The following RXRG variants were observed in gnomAD, a reference collection of about 807,000 sequenced individuals.
RXRG encodes the protein retinoic acid receptor RXR-gamma.
RXRG carries 19 observed loss-of-function variants against 49.2 expected under a neutral mutation model. The observed-to-expected ratio is 0.39, with a 90% CI of 0.27 to 0.57. RXRG has a LOEUF of 0.57. Ranked by LOEUF, RXRG falls within the 20% of genes least tolerant of loss-of-function variation. The pLI is 0.64. For missense variants in RXRG, 452 were observed against 592.5 expected (o/e 0.76, Z 2.46); for synonymous variants, 224 against 216.6 (o/e 1.03, Z -0.30).
intron 7 of RXRG, among the ~76,000 whole-genome samples, chr1:165,409,079 G>T (rs1239841532): frequency 6.6e-6 from 1 of 152,146 alleles, no homozygotes; most frequent in Non-Finnish European, 1.5e-5. Flanking sequence ...TGCTCCTGCT[G>T]CAGGCCTCCT....
chr1:165,401,070 G>A lies in RXRG; in HGVS notation c.*193C>T, dbSNP rs1183247182. On this transcript the variant is annotated 3_prime_UTR_variant, in exon 10 of 10. Transcript: ENST00000359842. Reference sequence around the variant, plus strand: ...CTCCCAGCCCTGTAGACAGCAAAGCGTATTACCTTTAACATCTATACAAAA... The same window carrying A: ...CTCCCAGCCCTGTAGACAGCAAAGCATATTACCTTTAACATCTATACAAAA... 22 of 570,546 alleles carry A rather than the reference G, an allele frequency of 3.9e-5. No homozygotes were observed. In the Middle Eastern group the frequency reaches 1.4e-3, roughly 36 times the overall value. 35.3% of individuals were successfully genotyped at this position (570,546 alleles called of 1,614,324 possible).
At chr1:165,436,851 C>G in intron 1 of RXRG, 2 of 973,906 alleles carry the variant, frequency 2.1e-6, no homozygotes, top group African/African-American at 1.7e-5. Context: ...TGGGGGACAG[C>G]AAGAGTTTCA....
intron 8 of RXRG, 75 bp from the exon 9 acceptor site, chr1:165,406,992 C>CG: frequency 3.3e-6 from 3 of 898,178 alleles, no homozygotes; most frequent in Non-Finnish European, 5.0e-6. Context: ...TCTGGCCACT[C>CG]TCTGTAGAGT....
At chr1:165,414,880 A>G (rs750254638) in intron 4 of RXRG, among the ~76,000 whole-genome samples, 39 of 152,328 alleles carry the variant, frequency 2.6e-4, no homozygotes, top group Non-Finnish European at 4.7e-4. Context: ...CATTTTTAGG[A>G]GCTCCTGCAC....
At chr1:165,423,211 T>A (rs1658377771) in intron 2 of RXRG, among the ~76,000 whole-genome samples, 8 of 152,154 alleles carry the variant, frequency 5.3e-5, no homozygotes. Flanking sequence ...CATAAACCCA[T>A]TAGCTGCCTG....
At position 165,419,900 on chromosome 1, in the gene RXRG, T is replaced by A; in HGVS notation, c.412A>T (p.Ile138Phe). ...STSPGSLVKH[I>F]CAICGDRSSG... ...GATCTGTCTCCACAGATGGCACAGA[T>A]GTGTTTAACCAGAGATCCGGGGCTG... is the stretch of plus-strand genomic sequence containing the variant. The change falls in exon 3 of 10, where the codon ATC (isoleucine) becomes TTC (phenylalanine). Residue 138 changes from isoleucine (I) to phenylalanine (F), a missense_variant. By Grantham distance (21) the Ile-to-Phe change is conservative. Around this residue, in one of 2 missense-constraint regions of RXRG, gnomAD observed 286 missense variants for 440.9 expected, o/e 0.65. Coordinates refer to ENST00000359842, the MANE Select transcript of RXRG (RefSeq NM_006917.5). The A allele has an allele frequency of 6.2e-7, 1 of 1,613,054 alleles. No homozygotes were observed. Among genetic ancestry groups the A allele is most frequent in the Non-Finnish European group, 8.5e-7 (1 of 1,179,480 alleles).
chr1:165,444,517 G>C (rs1231540635), intron 1 of RXRG, among the ~76,000 whole-genome samples: 2 of 151,942 alleles, frequency 1.3e-5, no homozygotes, highest in Non-Finnish European at 2.9e-5. Flanking sequence ...TTTCACACCC[G>C]CACAAACACA....
chr1:165,413,784 T>C (rs115079560), intron 4 of RXRG, among the ~76,000 whole-genome samples: 22,543 of 152,186 alleles, frequency 0.15, 1,709 homozygotes, highest in South Asian at 0.23. Context: ...TGGGCTTGTG[T>C]GGGCTAGGCT....
chr1:165,421,697 CTT>C (rs1320233138), intron 2 of RXRG, among the ~76,000 whole-genome samples: 2 of 151,968 alleles, frequency 1.3e-5, no homozygotes, highest in Non-Finnish European at 2.9e-5. Context: ...ACTTAGCTAA[CTT>C]TTTTGTATTT....
chr1:165,439,922 G>A (rs926272945), intron 1 of RXRG, among the ~76,000 whole-genome samples: 4 of 152,166 alleles, frequency 2.6e-5, no homozygotes, highest in Admixed American at 6.6e-5. Context: ...CTAATCCCTG[G>A]TGTCTGAGTG....
At chr1:165,401,804 A>G (rs1337426398) in intron 9 of RXRG, among the ~76,000 whole-genome samples, 6 of 152,262 alleles carry the variant, frequency 3.9e-5, no homozygotes, top group Non-Finnish European at 5.9e-5. Flanking sequence ...CTTAGAGCCA[A>G]GCGTGAGACA....
In RXRG at chr1:165,428,761, T is replaced by TGCAAGTGCTCCTGAGGGTGGGCCCATG. The variant is rs1238727571; in HGVS notation, c.228_254dup (p.Met77_Ala85dup). 3 of 1,606,778 alleles carry TGCAAGTGCTCCTGAGGGTGGGCCCATG rather than the reference T, an allele frequency of 1.9e-6. No individual in the cohort carries two copies. The East Asian group carries it at 6.7e-5, about 36-fold the overall frequency. Reference sequence around the variant, plus strand: ...CAACCAAGTTGATTCCTGGAGGCGCTGCAAGTGCTCCTGAGGGTGGGCCCA... The same window carrying TGCAAGTGCTCCTGAGGGTGGGCCCATG: ...CAACCAAGTTGATTCCTGGAGGCGCTGCAAGTGCTCCTGAGGGTGGGCCCATGGCAAGTGCTCCTGAGGGTGGGCCCA... On this transcript the variant is annotated inframe_insertion, in exon 2 of 10. Coordinates refer to ENST00000359842, the MANE Select transcript of RXRG (RefSeq NM_006917.5).
At chr1:165,437,028 G>T (rs1018263400) in intron 1 of RXRG, 12 of 1,231,118 alleles carry the variant, frequency 9.7e-6, no homozygotes, top group Admixed American at 5.8e-5. Flanking sequence ...CTTCTAGGCT[G>T]GTTGCCTGGG....
intron 7 of RXRG, among the ~76,000 whole-genome samples, chr1:165,408,725 G>T (rs1251680672): frequency 3.9e-5 from 6 of 152,154 alleles, no homozygotes; most frequent in Non-Finnish European, 7.4e-5. Flanking sequence ...TGGTAGAAAG[G>T]TCCGGTTACC....
chr1:165,419,597 G>T (rs1048924740), intron 3 of RXRG, among the ~76,000 whole-genome samples: 4 of 152,118 alleles, frequency 2.6e-5, no homozygotes, highest in African/African-American at 9.7e-5. Context: ...AATCACAACA[G>T]CTTCTGTCTC....
In RXRG at chr1:165,401,410, C is replaced by T; in HGVS notation, c.1245G>A (p.Arg415=). The change falls in exon 10 of 10, where the codon AGG becomes AGA. Residue 415 remains arginine, a splice_region_variant and synonymous_variant. Coordinates refer to ENST00000359842, the MANE Select transcript of RXRG (RefSeq NM_006917.5). The stretch of plus-strand genomic sequence containing the variant: ...GGAGGCGCAGCAGCAGCTTGGCAAA[C>T]CTGCAGGGAAGCCAAGAGGCATCAG... ...TKQKYPEQPG[R]FAKLLLRLPA... 1 of 1,613,960 alleles carries T rather than the reference C, an allele frequency of 6.2e-7. No homozygotes were observed. Among genetic ancestry groups the T allele is most frequent in the Non-Finnish European group, 8.5e-7 (1 of 1,180,034 alleles).
chr1:165,430,129 G>C (rs1159683981), intron 1 of RXRG, among the ~76,000 whole-genome samples: 1 of 152,210 alleles, frequency 6.6e-6, no homozygotes, highest in Non-Finnish European at 1.5e-5. Context: ...TAGAAAGGGA[G>C]AGGATTAAGT....
In RXRG at chr1:165,408,299, A is replaced by T. The variant is rs1557910312; in HGVS notation, c.1066T>A (p.Ser356Thr). The T allele has an allele frequency of 3.1e-6, 5 of 1,613,264 alleles. No homozygotes were observed. Among genetic ancestry groups the T allele is most frequent in the Non-Finnish European group, 3.4e-6 (4 of 1,179,288 alleles). The change falls in exon 8 of 10, where the codon TCC (serine) becomes ACC (threonine). Residue 356 changes from serine (S) to threonine (T), a missense_variant. By Grantham distance (58) the Ser-to-Thr change is moderately conservative. Around this residue, in one of 2 missense-constraint regions of RXRG, gnomAD observed 286 missense variants for 440.9 expected, o/e 0.65. Coordinates refer to ENST00000359842, the MANE Select transcript of RXRG (RefSeq NM_006917.5). Reference protein sequence around the residue: ...IFDRVLTELVSKMKDMQMDKS... With the variant: ...IFDRVLTELVTKMKDMQMDKS... ...TCCATCTGCATGTCTTTCATTTTGGAAACCAGCTCAGTTAGGACTCTGTTA... is the reference window on the plus strand; with the variant it reads ...TCCATCTGCATGTCTTTCATTTTGGTAACCAGCTCAGTTAGGACTCTGTTA...
intron 5 of RXRG, 21 bp downstream of exon 5, chr1:165,410,928 T>A: frequency 6.2e-7 from 1 of 1,613,786 alleles, no homozygotes; most frequent in Non-Finnish European, 8.5e-7. Context: ...GGAACACACA[T>A]GTGTGTCTAA....
Sources: gnomAD v4.1 joint callset for allele counts (sites outside exome capture counted in the v4.1 genomes callset) on GRCh38, gnomAD v4.1.1 for gene constraint, gnomAD v4.1.1 regional missense constraint, MANE v1.5 for transcripts, NCBI Gene and HGNC (gene_info 2026-07-23, HGNC 2026-07-21) for gene names.